Variants in BMPR1A observed in about 807,000 individuals in gnomAD.
BMPR1A encodes bone morphogenetic protein receptor type 1A, also known as bone morphogenetic protein receptor type-1A.
A neutral mutation model predicts 66.0 loss-of-function variants in BMPR1A; 7 were observed. The observed-to-expected ratio is 0.11, with a 90% CI of 0.06 to 0.20. The LOEUF (loss-of-function observed/expected upper bound fraction) is 0.20, where lower values mean the gene tolerates loss of function less well. BMPR1A is among the 10% of genes least tolerant of loss of function. The pLI is 1.00. For missense variants in BMPR1A, 408 were observed against 669.1 expected, an observed-to-expected ratio of 0.61 and a Z score of 4.31; for synonymous variants, 200 against 229.7, an observed-to-expected ratio of 0.87 and a Z score of 1.17.
downstream of BMPR1A, chr10:86,929,746 A>T (rs1843790899): frequency 6.6e-6 from 1 of 152,214 alleles, no homozygotes; most frequent in Admixed American, 6.5e-5. Context: ...CACTGAATAA[A>T]TGTATTCATT....
At position 86,880,768 on chromosome 10, in the gene BMPR1A, G is replaced by A. The variant is rs146788369; in HGVS notation, c.67+4683G>A. On this transcript the variant is annotated intron_variant, in intron 3 of 12. Coordinates refer to ENST00000372037, the MANE Select transcript of BMPR1A (RefSeq NM_004329.3). ...TTCAAGTTCGGCAGGGAAAGAGCAA[G>A]GTGATCTTGGTATTTTGGCCAGAAA... is the stretch of plus-strand genomic sequence containing the variant. Among the ~76,000 whole-genome samples, 39 of 152,304 alleles carry A rather than the reference G, an allele frequency of 2.6e-4. No individual in the cohort carries two copies. In the East Asian group the frequency reaches 7.1e-3, roughly 28 times the overall value.
chr10:86,862,349 G>A (rs968083093), intron 2 of BMPR1A, among the ~76,000 whole-genome samples: 1 of 152,174 alleles, frequency 6.6e-6, no homozygotes, highest in Non-Finnish European at 1.5e-5. Context: ...CACGTGCCAG[G>A]GTCCTGCAGC....
intron 2 of BMPR1A, among the ~76,000 whole-genome samples, chr10:86,853,953 A>G (rs1384136582): frequency 6.6e-6 from 1 of 152,186 alleles, no homozygotes; most frequent in Non-Finnish European, 1.5e-5. Context: ...AGTCTGACCA[A>G]AATTTATTAG....
chr10:86,767,058 G>A (rs936474781), intron 1 of BMPR1A, among the ~76,000 whole-genome samples: 36 of 152,100 alleles, frequency 2.4e-4, no homozygotes, highest in Admixed American at 6.5e-4. Context: ...TCGTGACCTC[G>A]TGATCCGCCC....
At chr10:86,760,188 G>GTGT (rs764715631) in intron 1 of BMPR1A, among the ~76,000 whole-genome samples, 12,331 of 53,048 alleles carry the variant, frequency 0.23, 1,886 homozygotes, top group East Asian at 0.64. Flanking sequence ...AGATTTACCT[G>GTGT]TTTTTTTTTT....
chr10:86,913,281 C>G (rs907216271), intron 8 of BMPR1A, among the ~76,000 whole-genome samples: 2 of 144,748 alleles, frequency 1.4e-5, no homozygotes, highest in Admixed American at 7.1e-5. Context: ...CACCACCACA[C>G]CAGGCTAATT....
intron 2 of BMPR1A, among the ~76,000 whole-genome samples, chr10:86,857,492 T>A (rs1177530787): frequency 6.6e-6 from 1 of 152,222 alleles, no homozygotes; most frequent in Middle Eastern, 3.2e-3. Context: ...CAAAACTTAA[T>A]GACATGAAAC....
chr10:86,918,090 A>G (rs1394735168), intron 9 of BMPR1A, among the ~76,000 whole-genome samples: 1 of 152,122 alleles, frequency 6.6e-6, no homozygotes, highest in Non-Finnish European at 1.5e-5. Flanking sequence ...GGCTTAGTAT[A>G]GACAACACTC....
chr10:86,759,809 TCTGGAGAGGA>T (rs1322645162), intron 1 of BMPR1A, among the ~76,000 whole-genome samples: 1 of 152,224 alleles, frequency 6.6e-6, no homozygotes, highest in African/African-American at 2.4e-5. Context: ...AGATCTTTTT[TCTGGAGAGGA>T]CTTTGAGTAA....
intron 1 of BMPR1A, among the ~76,000 whole-genome samples, chr10:86,798,921 T>G (rs1841767253): frequency 6.6e-6 from 1 of 152,224 alleles, no homozygotes; most frequent in African/African-American, 2.4e-5. Flanking sequence ...GTGGTGTTCC[T>G]TTAGTCCTTG....
intron 1 of BMPR1A, among the ~76,000 whole-genome samples, chr10:86,800,344 A>G (rs1841794054): frequency 6.6e-6 from 1 of 152,134 alleles, no homozygotes; most frequent in South Asian, 2.1e-4. Flanking sequence ...GGGGAGTGAT[A>G]GTCTCATGTT....
intron 2 of BMPR1A, chr10:86,856,334 A>C: frequency 2.3e-6 from 1 of 427,506 alleles, no homozygotes; most frequent in South Asian, 1.8e-5. Flanking sequence ...AGCCCAGGGC[A>C]GTCAGCCATG....
intron 7 of BMPR1A, among the ~76,000 whole-genome samples, chr10:86,912,002 T>C (rs1007092367): frequency 6.6e-6 from 1 of 152,184 alleles, no homozygotes; most frequent in Non-Finnish European, 1.5e-5. Context: ...ACATCTGATT[T>C]TGATAGTGTC....
Position 86,797,428 on chromosome 10 carries a change from C to T in BMPR1A, c.-268+40509C>T, listed in dbSNP as rs1020522316. On this transcript the variant is annotated intron_variant, in intron 1 of 12. Coordinates refer to ENST00000372037, the MANE Select transcript of BMPR1A (RefSeq NM_004329.3). Reference sequence around the variant, plus strand: ...TGTATTTTTAGTAGAGATGGGGTTTCGCAGTGTTGGTTGGGCTGGTCTTGG... The same window carrying T: ...TGTATTTTTAGTAGAGATGGGGTTTTGCAGTGTTGGTTGGGCTGGTCTTGG... Among the ~76,000 whole-genome samples the T allele has an allele frequency of 3.3e-5, 5 of 151,920 alleles. No homozygotes were observed. The South Asian group carries it at 8.4e-4, about 25-fold the overall frequency.
At chr10:86,875,442 TAA>T (rs1842909613) in intron 2 of BMPR1A, among the ~76,000 whole-genome samples, 1 of 152,212 alleles carries the variant, frequency 6.6e-6, no homozygotes, top group African/African-American at 2.4e-5. Flanking sequence ...ATCTATAGAA[TAA>T]ATTATTTATT....
At chr10:86,918,668 G>A (rs1843612521) in intron 9 of BMPR1A, among the ~76,000 whole-genome samples, 1 of 149,308 alleles carries the variant, frequency 6.7e-6, no homozygotes, top group Admixed American at 6.7e-5. Context: ...CTGTCGCTCA[G>A]GCTGGAGTGC....
chr10:86,797,247 T>TG (rs1554879689), intron 1 of BMPR1A, among the ~76,000 whole-genome samples: 7 of 124,928 alleles, frequency 5.6e-5, no homozygotes, highest in Admixed American at 5.2e-4. Context: ...TTTTTTTTTT[T>TG]TGAGACGGAG....
chr10:86,806,719 A>G (rs940339044), intron 1 of BMPR1A, among the ~76,000 whole-genome samples: 5 of 148,568 alleles, frequency 3.4e-5, no homozygotes, highest in African/African-American at 1.2e-4. Flanking sequence ...ACCTGACGAA[A>G]TTTTTTTTTT....
intron 8 of BMPR1A, among the ~76,000 whole-genome samples, chr10:86,915,915 A>T (rs545592653): frequency 2.0e-5 from 3 of 152,218 alleles, no homozygotes; most frequent in Non-Finnish European, 2.9e-5. Context: ...CTTTTATTTA[A>T]CAAATATTAA....
Sources: allele counts gnomAD v4.1 joint callset (sites outside exome capture counted in the v4.1 genomes callset), GRCh38; gene constraint gnomAD v4.1.1; transcripts MANE v1.5; gene names NCBI Gene and HGNC (gene_info 2026-07-23, HGNC 2026-07-21).